DLG2: variants seen among roughly 807,000 people sequenced by gnomAD.
DLG2 encodes discs large MAGUK scaffold protein 2.
Under a neutral mutation model 132.5 loss-of-function variants are expected in DLG2, and 45 were observed. The ratio of observed to expected loss-of-function variants is 0.34; its 90% CI spans 0.27 to 0.44. DLG2 has a LOEUF of 0.44. Ranked by LOEUF, DLG2 falls within the 20% of genes least tolerant of loss-of-function variation. The pLI, the probability that DLG2 is intolerant of heterozygous loss-of-function variation, is 1.00. For missense variants in DLG2, 1,045 were observed against 1,196.9 expected (o/e 0.87, Z 1.87); for synonymous variants, 424 against 419.6 (o/e 1.01, Z -0.13).
chr11:83,496,967 T>TG (rs753625063), intron 21 of DLG2, among the ~76,000 whole-genome samples: 10 of 152,218 alleles, frequency 6.6e-5, no homozygotes, highest in Non-Finnish European at 1.5e-4. Flanking sequence ...TATGCTTAGG[T>TG]GTTCTACCCA....
intron 3 of DLG2, among the ~76,000 whole-genome samples, chr11:85,423,932 G>T (rs941107897): frequency 4.6e-5 from 7 of 152,148 alleles, no homozygotes; most frequent in Non-Finnish European, 7.3e-5. Flanking sequence ...CCCTCCCCCA[G>T]GTTCTGGCCA....
intron 6 of DLG2, among the ~76,000 whole-genome samples, chr11:84,983,072 G>T (rs1242883193): frequency 2.0e-5 from 3 of 152,162 alleles, no homozygotes; most frequent in Non-Finnish European, 4.4e-5. Context: ...GTCTTATCCA[G>T]TGCAACAAGG....
At chr11:83,891,966 G>A (rs1364941917) in intron 15 of DLG2, among the ~76,000 whole-genome samples, 2 of 152,104 alleles carry the variant, frequency 1.3e-5, no homozygotes, top group Non-Finnish European at 2.9e-5. Context: ...TCCTTACAAT[G>A]GTCATGGCAG....
intron 4 of DLG2, among the ~76,000 whole-genome samples, chr11:85,158,666 C>T (rs537094547): frequency 1.2e-4 from 18 of 152,138 alleles, no homozygotes; most frequent in Admixed American, 8.5e-4. Flanking sequence ...AATGGGATCC[C>T]GAGGTGGCAG....
intron 6 of DLG2, among the ~76,000 whole-genome samples, chr11:84,571,619 T>G (rs2099485208): frequency 6.6e-6 from 1 of 152,108 alleles, no homozygotes; most frequent in South Asian, 2.1e-4. Context: ...TAGTGCCTTT[T>G]CCCTATGAAC....
chr11:85,084,885 G>A (rs1566816429), intron 6 of DLG2, among the ~76,000 whole-genome samples: 1 of 152,070 alleles, frequency 6.6e-6, no homozygotes, highest in Non-Finnish European at 1.5e-5. Flanking sequence ...GAAAGCACGA[G>A]TTTCTCAAAA....
intron 18 of DLG2, among the ~76,000 whole-genome samples, chr11:83,649,306 C>T (rs2069284747): frequency 6.6e-6 from 1 of 152,138 alleles, no homozygotes; most frequent in Non-Finnish European, 1.5e-5. Context: ...ATATGCCCCA[C>T]TAGCCCCCAG....
At chr11:85,473,268 G>A (rs2093042300) in intron 3 of DLG2, among the ~76,000 whole-genome samples, 1 of 152,220 alleles carries the variant, frequency 6.6e-6, no homozygotes, top group East Asian at 1.9e-4. Context: ...TGAAACTTGA[G>A]CAGAGGCACC....
chr11:84,552,694 C>T (rs1216580334), intron 6 of DLG2, among the ~76,000 whole-genome samples: 1 of 152,176 alleles, frequency 6.6e-6, no homozygotes, highest in Admixed American at 6.5e-5. Flanking sequence ...GCTGTAGGAC[C>T]TGTGCCAGGT....
intron 6 of DLG2, among the ~76,000 whole-genome samples, chr11:84,579,374 T>C (rs1194477052): frequency 1.3e-5 from 2 of 152,216 alleles, no homozygotes; most frequent in African/African-American, 4.8e-5. Context: ...GTTTATGGTT[T>C]CCTGTGAGAA....
intron 8 of DLG2, among the ~76,000 whole-genome samples, chr11:84,229,294 C>T (rs1460249929): frequency 1.2e-4 from 18 of 152,168 alleles, no homozygotes. Flanking sequence ...CTTGCTTTGG[C>T]ATCTAACCTC....
chr11:83,906,830 C>T (rs905722140), intron 15 of DLG2, among the ~76,000 whole-genome samples: 5 of 152,092 alleles, frequency 3.3e-5, no homozygotes, highest in South Asian at 2.1e-4. Context: ...AGTATGGCTC[C>T]GAAAGTTAAC....
chr11:85,000,284 G>A (rs1213751575), intron 6 of DLG2, among the ~76,000 whole-genome samples: 1 of 152,166 alleles, frequency 6.6e-6, no homozygotes, highest in East Asian at 1.9e-4. Flanking sequence ...CACTGTAAGA[G>A]TTAAATTTTA....
At chr11:83,462,116 T>A in intron 26 of DLG2, 23 bp from the exon 27 acceptor site, 1 of 1,470,536 alleles carries the variant, frequency 6.8e-7, no homozygotes, top group Non-Finnish European at 9.5e-7. Flanking sequence ...GGGTTTGTAT[T>A]AGAACATAAA....
At chr11:83,693,222 T>C (rs568329019) in intron 18 of DLG2, among the ~76,000 whole-genome samples, 1 of 152,294 alleles carries the variant, frequency 6.6e-6, no homozygotes, top group Non-Finnish European at 1.5e-5. Flanking sequence ...ATAAATTCAC[T>C]GTAGATTGGC....
Position 83,850,160 on chromosome 11 carries a change from G to GTGTGTGTTTT in DLG2, c.1566-16391_1566-16390insAAAACACACA, listed in dbSNP as rs1452960432. The stretch of plus-strand genomic sequence containing the variant: ...TGTGTGTGTGTGTGTGTGTGTGTGT[G>GTGTGTGTTTT]TTTTTTTACTTGAGACGGAGTCTCA... On this transcript the variant is annotated intron_variant, in intron 16 of 27. Coordinates refer to ENST00000376104, the MANE Select transcript of DLG2 (RefSeq NM_001142699.3). Among the ~76,000 whole-genome samples, 111 of 124,362 alleles carry GTGTGTGTTTT rather than the reference G, an allele frequency of 8.9e-4. 1 individual carries two copies. Among genetic ancestry groups the GTGTGTGTTTT allele is most frequent in the African/African-American group, 3.5e-3 (97 of 27,712 alleles). 81.6% of individuals were successfully genotyped at this position (124,362 alleles called of 152,430 possible).
chr11:83,962,824 G>A (rs2089190164), intron 14 of DLG2, 61 bp downstream of exon 14: 1 of 1,584,738 alleles, frequency 6.3e-7, no homozygotes. Context: ...GACATGTTAG[G>A]CAAATGTGAT....
At chr11:84,002,409 T>G (rs2086741) in intron 11 of DLG2, among the ~76,000 whole-genome samples, 149,709 of 152,270 alleles carry the variant, frequency 0.98, 73,601 homozygotes, top group East Asian at 1. Context: ...TGCCCTATCA[T>G]AGGTTCTCCA....
intron 7 of DLG2, among the ~76,000 whole-genome samples, chr11:84,450,738 A>G (rs1055419140): frequency 6.6e-6 from 1 of 151,842 alleles, no homozygotes; most frequent in Non-Finnish European, 1.5e-5. Context: ...CACAATGTTT[A>G]TCATGTTGAC....
Sources: gnomAD v4.1 joint callset for allele counts (sites outside exome capture counted in the v4.1 genomes callset) on GRCh38, gnomAD v4.1.1 for gene constraint, MANE v1.5 for transcripts, NCBI Gene and HGNC (gene_info 2026-07-23, HGNC 2026-07-21) for gene names.